The following CRTC3 variants were observed in gnomAD, a reference collection of about 807,000 sequenced individuals.
The protein encoded by CRTC3 is CREB regulated transcription coactivator 3, also known as CREB-regulated transcription coactivator 3.
CRTC3 carries 26 observed loss-of-function variants against 74.5 expected under a neutral mutation model. The ratio of observed to expected loss-of-function variants is 0.35; its 90% CI spans 0.26 to 0.48. The LOEUF (loss-of-function observed/expected upper bound fraction) is 0.48. CRTC3 is among the 20% of genes least tolerant of loss of function. The pLI is 0.99. For missense variants in CRTC3, 760 were observed against 787.3 expected, an observed-to-expected ratio of 0.97 and a Z score of 0.41; for synonymous variants, 377 against 325.8, an observed-to-expected ratio of 1.16 and a Z score of -1.69.
chr15:90,634,693 G>T, intron 11 of CRTC3: 1 of 652,386 alleles, frequency 1.5e-6, no homozygotes, highest in East Asian at 2.8e-5. Flanking sequence ...CTCTACACTA[G>T]AGCGGAGTAT....
intron 5 of CRTC3, among the ~76,000 whole-genome samples, chr15:90,605,450 C>T (rs1408749372): frequency 6.6e-6 from 1 of 152,122 alleles, no homozygotes; most frequent in Non-Finnish European, 1.5e-5. Flanking sequence ...CAGTTTAAGG[C>T]CGACGAGAAC....
Position 90,545,867 on chromosome 15 carries a change from T to C in CRTC3, c.231+5730T>C, listed in dbSNP as rs190598847. Among the ~76,000 whole-genome samples, 619 of 152,242 alleles carry C rather than the reference T, an allele frequency of 4.1e-3. 5 individuals carry two copies. The highest frequency in any genetic ancestry group is 0.023 in the East Asian group (119 of 5,182). On this transcript the variant is annotated intron_variant, in intron 2 of 14. Transcript: ENST00000268184. ...TGCTGGGATTACAGGCGTGAGCCAC[T>C]GCGCCTGGCCTTGTCTAGTTTTTAA...
Position 90,645,203 on chromosome 15 carries a change from T to TAG in CRTC3, c.*3063_*3064insAG, listed in dbSNP as rs1319824316. 9 of 229,502 alleles carry TAG rather than the reference T, an allele frequency of 3.9e-5. No individual in the cohort carries two copies. In the East Asian group the frequency reaches 5.6e-4, roughly 14 times the overall value. The allele number at this position is 229,502 out of a possible 1,614,324, so 14.2% of individuals were successfully genotyped here. ...GGACCATCCCAGCAACTAATCAGAC[T>TAG]TCCTGCCAGTGTCCTAACCCCCAGG... On this transcript the variant is annotated 3_prime_UTR_variant, in exon 15 of 15. Coordinates refer to ENST00000268184, the MANE Select transcript of CRTC3 (RefSeq NM_022769.5).
chr15:90,562,492 T>TAAA, intron 2 of CRTC3, among the ~76,000 whole-genome samples: 1 of 152,212 alleles, frequency 6.6e-6, no homozygotes, highest in Non-Finnish European at 1.5e-5. Flanking sequence ...AATTTGTTTT[T>TAAA]ACCTAGGAAA....
intron 10 of CRTC3, among the ~76,000 whole-genome samples, chr15:90,626,395 C>T (rs1414051984): frequency 6.6e-6 from 1 of 152,152 alleles, no homozygotes; most frequent in Non-Finnish European, 1.5e-5. Flanking sequence ...AGGCAATATT[C>T]TGCATTTTAG....
At chr15:90,615,676 T>A (rs1000577381) in intron 7 of CRTC3, among the ~76,000 whole-genome samples, 1 of 152,182 alleles carries the variant, frequency 6.6e-6, no homozygotes, top group Non-Finnish European at 1.5e-5. Flanking sequence ...CTAAAAACAA[T>A]GAACTCTAAG....
intron 7 of CRTC3, among the ~76,000 whole-genome samples, chr15:90,617,665 G>A (rs1446927764): frequency 6.6e-6 from 1 of 152,062 alleles, no homozygotes; most frequent in Non-Finnish European, 1.5e-5. Context: ...AAGTAGTTGG[G>A]ACTACAGGTG....
At position 90,625,968 on chromosome 15, in the gene CRTC3, C is replaced by T. The variant is rs774969920; in HGVS notation, c.942C>T (p.Thr314=). 16 of 1,614,136 alleles carry T rather than the reference C, an allele frequency of 9.9e-6. No homozygotes were observed. Among genetic ancestry groups the T allele is most frequent in the Non-Finnish European group, 1.4e-5 (16 of 1,179,976 alleles). ...TGAACAACATCCCAGCTGCTATGAC[C>T]CACCTGGGTATAAGAAGCTCCTCTG... The part of the protein sequence containing the change: ...NSVNNIPAAM[T]HLGIRSSSGL... The change falls in exon 10 of 15, where the codon ACC becomes ACT. Residue 314 remains threonine, a synonymous_variant. Transcript: ENST00000268184.
chr15:90,533,547 G>C (rs986550145), intron 1 of CRTC3, among the ~76,000 whole-genome samples: 22 of 152,248 alleles, frequency 1.4e-4, no homozygotes, highest in Admixed American at 1.1e-3. Context: ...AATGGGGTGT[G>C]TGTTTGTGAG....
At chr15:90,605,446 A>G (rs1968191497) in intron 5 of CRTC3, among the ~76,000 whole-genome samples, 1 of 152,174 alleles carries the variant, frequency 6.6e-6, no homozygotes, top group African/African-American at 2.4e-5. Context: ...CCAGCAGTTT[A>G]AGGCCGACGA....
At chr15:90,546,002 G>GT (rs1301634961) in intron 2 of CRTC3, among the ~76,000 whole-genome samples, 1 of 152,146 alleles carries the variant, frequency 6.6e-6, no homozygotes. Context: ...TCTGTGGCTT[G>GT]TTTTTTCATT....
chr15:90,543,560 G>C (rs1010548695), intron 2 of CRTC3, among the ~76,000 whole-genome samples: 2 of 152,160 alleles, frequency 1.3e-5, no homozygotes, highest in South Asian at 4.1e-4. Flanking sequence ...ATAAAAGTAT[G>C]CTCTACAGAG....
At chr15:90,567,710 A>ATAAATAAATAATTAAT (rs879800756) in intron 2 of CRTC3, among the ~76,000 whole-genome samples, 1 of 151,832 alleles carries the variant, frequency 6.6e-6, no homozygotes, top group Non-Finnish European at 1.5e-5. Flanking sequence ...AAATAAATAA[A>ATAAATAAATAATTAAT]TAAATAAAAT....
intron 10 of CRTC3, among the ~76,000 whole-genome samples, chr15:90,627,599 C>A (rs1388608676): frequency 2.6e-4 from 40 of 151,964 alleles, no homozygotes; most frequent in Admixed American, 2.6e-3. Context: ...CATGTCAGAA[C>A]CAATGTCAGT....
At position 90,625,993 on chromosome 15, in the gene CRTC3, G is replaced by T; in HGVS notation, c.967G>T (p.Gly323Cys). The change falls in exon 10 of 15, where the codon GGT becomes TGT. Residue 323 changes from glycine to cysteine, a missense_variant and splice_region_variant. Transcript: ENST00000268184. The stretch of plus-strand genomic sequence containing the variant: ...CCACCTGGGTATAAGAAGCTCCTCT[G>T]GTGAGTATCTCCTGCTTAGCAGTGA... ...MTHLGIRSSSGLQSSRSNPSI... is the reference protein window; with the variant it reads ...MTHLGIRSSSCLQSSRSNPSI... 6.2e-7 allele frequency: 1 copy of T among 1,613,014 alleles called. No homozygotes were observed. The highest frequency in any genetic ancestry group is 8.5e-7 in the Non-Finnish European group (1 of 1,178,918).
chr15:90,541,490 C>T (rs1172896814), intron 2 of CRTC3, among the ~76,000 whole-genome samples: 3 of 152,176 alleles, frequency 2.0e-5, no homozygotes, highest in African/African-American at 7.2e-5. Flanking sequence ...AATATAATGA[C>T]AATGGACTCT....
At position 90,644,422 on chromosome 15, in the gene CRTC3, C is replaced by T. The variant is rs1049163314; in HGVS notation, c.*2282C>T. The T allele has an allele frequency of 3.5e-5, 8 of 231,228 alleles. No individual in the cohort carries two copies. The highest frequency in any genetic ancestry group is 6.6e-5 in the African/African-American group (3 of 45,220). 14.3% of individuals were successfully genotyped at this position (231,228 alleles called of 1,614,324 possible). A position where few individuals can be genotyped will look rare whatever the true frequency, so the allele number is the denominator to read the frequency against. On this transcript the variant is annotated 3_prime_UTR_variant, in exon 15 of 15. Coordinates refer to ENST00000268184, the MANE Select transcript of CRTC3 (RefSeq NM_022769.5). ...CACATAGTGCCTTACCCATGGGTAT[C>T]GTCATATCCGGGTCCCAGTTCAGTT...
At chr15:90,632,422 CCTAT>C (rs1208067637) in intron 11 of CRTC3, among the ~76,000 whole-genome samples, 6 of 151,790 alleles carry the variant, frequency 4.0e-5, no homozygotes, top group African/African-American at 1.2e-4. Flanking sequence ...ATAGTGACAC[CCTAT>C]CTATCTCTTA....
At chr15:90,542,150 T>C (rs1355313601) in intron 2 of CRTC3, among the ~76,000 whole-genome samples, 1 of 151,672 alleles carries the variant, frequency 6.6e-6, no homozygotes, top group African/African-American at 2.4e-5. Flanking sequence ...AGTCACAAAC[T>C]TACACAATAC....
Sources: gnomAD v4.1 joint callset for allele counts (sites outside exome capture counted in the v4.1 genomes callset) on GRCh38, gnomAD v4.1.1 for gene constraint, MANE v1.5 for transcripts, NCBI Gene and HGNC (gene_info 2026-07-23, HGNC 2026-07-21) for gene names.